The following RIMBP2 variants were observed in gnomAD, a reference collection of about 807,000 sequenced individuals.
RIMBP2 encodes the protein RIMS binding protein 2.
A neutral mutation model predicts 118.6 loss-of-function variants in RIMBP2; 48 were observed. That is an observed-to-expected ratio of 0.40 (90% CI 0.32 to 0.51). RIMBP2 has a LOEUF of 0.51. RIMBP2 is among the 20% of genes least tolerant of loss of function. RIMBP2 has a pLI of 0.41. For synonymous variants in RIMBP2, 762 were observed against 742.9 expected (o/e 1.03, Z -0.42); for missense variants, 1,551 against 1,768.3 (o/e 0.88, Z 2.20).
At chr12:130,669,073 A>G (rs941917356) in intron 1 of RIMBP2, 2 of 152,284 alleles carry the variant, frequency 1.3e-5, no homozygotes, top group East Asian at 1.9e-4. Context: ...GCCTCGACCT[A>G]TCCTTAACCA....
intron 4 of RIMBP2, among the ~76,000 whole-genome samples, chr12:130,487,530 C>A (rs1412044409): frequency 1.3e-5 from 2 of 152,202 alleles, no homozygotes; most frequent in African/African-American, 4.8e-5. Context: ...AGAAGCTGAG[C>A]AGATGCTGGT....
chr12:130,698,141 C>T (rs2136725664), intron 1 of RIMBP2, among the ~76,000 whole-genome samples: 1 of 152,178 alleles, frequency 6.6e-6, no homozygotes, highest in East Asian at 1.9e-4. Context: ...GGGAGGGGAA[C>T]CAGGAGGCAG....
intron 6 of RIMBP2, among the ~76,000 whole-genome samples, chr12:130,463,837 A>G (rs1464056259): frequency 6.6e-6 from 1 of 151,990 alleles, no homozygotes; most frequent in Non-Finnish European, 1.5e-5. Flanking sequence ...TACAGGTCTC[A>G]AAGACCCTGC....
chr12:130,705,510 C>T (rs1253270732), intron 1 of RIMBP2, among the ~76,000 whole-genome samples: 1 of 152,182 alleles, frequency 6.6e-6, no homozygotes, highest in Non-Finnish European at 1.5e-5. Context: ...CGCAGCTGTC[C>T]CAGGCCCACA....
intron 3 of RIMBP2, among the ~76,000 whole-genome samples, chr12:130,509,311 C>G (rs2050673860): frequency 6.6e-6 from 1 of 152,224 alleles, no homozygotes; most frequent in Admixed American, 6.5e-5. Flanking sequence ...CATAAAAACT[C>G]TGGCTGCTGA....
intron 1 of RIMBP2, among the ~76,000 whole-genome samples, chr12:130,666,805 G>GGAGAGAGGGAAGAAGGGAGGGAT (rs2063935120): frequency 1.1e-5 from 1 of 90,378 alleles, no homozygotes; most frequent in Admixed American, 1.2e-4. Flanking sequence ...GAGGGAGGAA[G>GGAGAGAGGGAAGAAGGGAGGGAT]GGAGGGAGGA....
intron 1 of RIMBP2, among the ~76,000 whole-genome samples, chr12:130,644,531 T>C (rs1233860150): frequency 6.6e-6 from 1 of 152,204 alleles, no homozygotes; most frequent in African/African-American, 2.4e-5. Flanking sequence ...AAAGTATCCT[T>C]ACTTCGAGGA....
chr12:130,609,243 C>A (rs1417146417), intron 2 of RIMBP2, among the ~76,000 whole-genome samples: 1 of 152,176 alleles, frequency 6.6e-6, no homozygotes, highest in Admixed American at 6.5e-5. Context: ...GCTGTCTGCC[C>A]CCCCACGTTT....
At chr12:130,616,226 T>C (rs930736467) in intron 2 of RIMBP2, among the ~76,000 whole-genome samples, 1 of 152,118 alleles carries the variant, frequency 6.6e-6, no homozygotes, top group Non-Finnish European at 1.5e-5. Flanking sequence ...ACTAGACACA[T>C]GCCACATTCT....
At chr12:130,427,972 C>A in intron 15 of RIMBP2, 1 of 502,844 alleles carries the variant, frequency 2.0e-6, no homozygotes, top group Non-Finnish European at 3.4e-6. Context: ...AACTCCTTTA[C>A]CCAGACCTTT....
intron 5 of RIMBP2, among the ~76,000 whole-genome samples, chr12:130,474,704 C>T (rs1213647847): frequency 1.3e-5 from 2 of 152,178 alleles, no homozygotes; most frequent in Non-Finnish European, 2.9e-5. Flanking sequence ...GGCTTTGGCA[C>T]GGTCCAGGGA....
chr12:130,643,306 G>T (rs1366161437), intron 1 of RIMBP2, among the ~76,000 whole-genome samples: 1 of 152,240 alleles, frequency 6.6e-6, no homozygotes, highest in East Asian at 1.9e-4. Flanking sequence ...CCTGTGATGT[G>T]TGTGGAGCAT....
At chr12:130,714,464 G>T (rs948630214) in intron 1 of RIMBP2, among the ~76,000 whole-genome samples, 1 of 152,182 alleles carries the variant, frequency 6.6e-6, no homozygotes, top group Non-Finnish European at 1.5e-5. Flanking sequence ...GCTGCGTGGC[G>T]CCTGCCTCCT....
chr12:130,620,276 C>T lies in RIMBP2; in HGVS notation c.-217+8046G>A, dbSNP rs2061224066. Among the ~76,000 whole-genome samples, 1 of 152,186 alleles carries T rather than the reference C, an allele frequency of 6.6e-6. No homozygotes were observed. Among genetic ancestry groups the T allele is most frequent in the South Asian group, 2.1e-4 (1 of 4,826 alleles). On this transcript the variant is annotated intron_variant, in intron 2 of 22. Transcript: ENST00000690449. The surrounding 1 kb of genome is among the most constrained non-coding windows in gnomAD (Gnocchi z 5.3). The stretch of plus-strand genomic sequence containing the variant: ...AGGGACCCAAGGACAAAAAAAAGAA[C>T]CAGCAGCCAGAGCATGTCTCCCACT...
At chr12:130,509,187 C>T (rs1382965787) in intron 3 of RIMBP2, among the ~76,000 whole-genome samples, 3 of 152,204 alleles carry the variant, frequency 2.0e-5, no homozygotes, top group Admixed American at 6.5e-5. Context: ...TTGATTAGGG[C>T]GGCTTACCAC....
At chr12:130,628,593 A>G (rs2061785783) in intron 1 of RIMBP2, 137 bp from the exon 2 acceptor site, 1 of 152,230 alleles carries the variant, frequency 6.6e-6, no homozygotes, top group Non-Finnish European at 1.5e-5. Context: ...AGTTCAGAAC[A>G]CTGAGGGCTG....
intron 2 of RIMBP2, among the ~76,000 whole-genome samples, chr12:130,572,384 T>C (rs898004508): frequency 6.6e-6 from 1 of 152,072 alleles, no homozygotes; most frequent in African/African-American, 2.4e-5. Context: ...AAAAAACCCA[T>C]TGATTTTCCT....
At position 130,670,661 on chromosome 12, in the gene RIMBP2, G is replaced by A. The variant is rs1277011217; in HGVS notation, c.-351-42205C>T. ...CCTCCACTAGAGAGGCTGGAAAGGA[G>A]AAACGCTCACTGTCCCACCCTCCCT... is the stretch of plus-strand genomic sequence containing the variant. On this transcript the variant is annotated intron_variant, in intron 1 of 22. Transcript: ENST00000690449. The surrounding 1 kb of genome is among the most constrained non-coding windows in gnomAD (Gnocchi z 4.9). Among the ~76,000 whole-genome samples, 1 of 152,192 alleles carries A rather than the reference G, an allele frequency of 6.6e-6. No individual in the cohort carries two copies. The highest frequency in any genetic ancestry group is 1.5e-5 in the Non-Finnish European group (1 of 68,034).
intron 2 of RIMBP2, among the ~76,000 whole-genome samples, chr12:130,539,426 G>A (rs2054366695): frequency 6.6e-6 from 1 of 152,252 alleles, no homozygotes; most frequent in South Asian, 2.1e-4. Context: ...AAGTAAGAGT[G>A]TGAGTGCTGT....
Sources: gnomAD v4.1 joint callset for allele counts (sites outside exome capture counted in the v4.1 genomes callset) on GRCh38, gnomAD v4.1.1 for gene constraint, Gnocchi (gnomAD v3.1) non-coding constraint, MANE v1.5 for transcripts, NCBI Gene and HGNC (gene_info 2026-07-23, HGNC 2026-07-21) for gene names.